Variants in ZHX3 observed in about 807,000 individuals in gnomAD.
The protein encoded by ZHX3 is zinc fingers and homeoboxes 3, also known as zinc fingers and homeoboxes protein 3.
In ZHX3, 20 loss-of-function variants were observed where a neutral mutation model predicts 64.5. That is an observed-to-expected ratio of 0.31 (90% CI 0.22 to 0.45). The LOEUF (loss-of-function observed/expected upper bound fraction) is 0.45, where lower values mean the gene tolerates loss of function less well. Ranked by LOEUF, ZHX3 falls within the 20% of genes least tolerant of loss-of-function variation. The probability of loss-of-function intolerance (pLI) is 1.00; values close to 1 mark genes in which losing one functional copy is unlikely to be tolerated. For missense variants in ZHX3, 1,041 were observed against 1,195.8 expected, an observed-to-expected ratio of 0.87 and a Z score of 1.91; for synonymous variants, 423 against 461.6, an observed-to-expected ratio of 0.92 and a Z score of 1.07.
chr20:41,247,995 G>A (rs1214463813), intron 2 of ZHX3, among the ~76,000 whole-genome samples: 2 of 152,136 alleles, frequency 1.3e-5, no homozygotes, highest in East Asian at 3.8e-4. Context: ...GTTTCAGGTG[G>A]CATTTGAGAC....
At chr20:41,198,921 AT>A (rs889451374) in intron 3 of ZHX3, among the ~76,000 whole-genome samples, 1 of 151,432 alleles carries the variant, frequency 6.6e-6, no homozygotes, top group African/African-American at 2.4e-5. Context: ...TTTCCTAAAT[AT>A]TTTTTTTCTT....
intron 3 of ZHX3, among the ~76,000 whole-genome samples, chr20:41,187,805 A>G (rs1439752098): frequency 1.3e-5 from 2 of 152,240 alleles, no homozygotes; most frequent in Non-Finnish European, 2.9e-5. Flanking sequence ...TTGATAGTTT[A>G]CATATTTATG....
chr20:41,248,883 A>C (rs1274170917), intron 2 of ZHX3, among the ~76,000 whole-genome samples: 1 of 152,328 alleles, frequency 6.6e-6, no homozygotes, highest in East Asian at 1.9e-4. Context: ...GTGTTTTTGC[A>C]AAAGACCCAA....
In ZHX3 at chr20:41,204,535, T is replaced by C. The variant is rs754613496; in HGVS notation, c.382A>G (p.Asn128Asp). 8.1e-6 allele frequency: 13 copies of C among 1,614,084 alleles called. No homozygotes were observed. The highest frequency in any genetic ancestry group is 1.1e-5 in the Non-Finnish European group (13 of 1,180,046). The stretch of plus-strand genomic sequence containing the variant: ...GCTTCCCCGGAGTGACATGTGGCAT[T>C]GTGCAAGGAAAGCCCCTCAGGGGTT... ...AKTPEGLSLH[N>D]ATCHSGEASF... The change falls in exon 3 of 4, where the codon AAT becomes GAT. Residue 128 changes from asparagine (N) to aspartate (D), a missense_variant. Asn to Asp is a conservative substitution (Grantham distance 23, BLOSUM62 1). Coordinates refer to ENST00000683867, the MANE Select transcript of ZHX3 (RefSeq NM_001384317.1). This position sits in a 1 kb window ranked among gnomAD's most constrained non-coding sequence, Gnocchi z 6.6.
chr20:41,255,503 A>G (rs533984678), intron 2 of ZHX3, among the ~76,000 whole-genome samples: 42 of 152,328 alleles, frequency 2.8e-4, no homozygotes, highest in Middle Eastern at 3.4e-3. Flanking sequence ...AGTCTTACAA[A>G]TTAATTATAT....
intron 1 of ZHX3, among the ~76,000 whole-genome samples, chr20:41,315,132 G>A (rs1199090763): frequency 1.3e-5 from 2 of 152,220 alleles, no homozygotes; most frequent in East Asian, 3.9e-4. Context: ...AATATCCAGG[G>A]ACCAGAGTTC....
chr20:41,291,221 A>G (rs2044221293), intron 1 of ZHX3, among the ~76,000 whole-genome samples: 4 of 152,220 alleles, frequency 2.6e-5, no homozygotes, highest in Admixed American at 1.3e-4. Flanking sequence ...CCGAAAGAGA[A>G]GCTGCATAAA....
intron 1 of ZHX3, among the ~76,000 whole-genome samples, chr20:41,314,978 CAAAT>C (rs1268315611): frequency 6.6e-6 from 1 of 152,124 alleles, no homozygotes; most frequent in Non-Finnish European, 1.5e-5. Flanking sequence ...AATACACCAA[CAAAT>C]AAATATGTAT....
At chr20:41,191,052 A>G (rs1352905453) in intron 3 of ZHX3, among the ~76,000 whole-genome samples, 1 of 152,190 alleles carries the variant, frequency 6.6e-6, no homozygotes, top group Non-Finnish European at 1.5e-5. Context: ...AGGGCCTCCT[A>G]TATCTAGATG....
rs1246290181 is a variant in ZHX3 at position 41,219,093 on chromosome 20, C to A, written c.-150-14027G>T. Among the ~76,000 whole-genome samples, 1 of 152,030 alleles carries A rather than the reference C, an allele frequency of 6.6e-6. No homozygotes were observed. On this transcript the variant is annotated intron_variant, in intron 2 of 3. Coordinates refer to ENST00000683867, the MANE Select transcript of ZHX3 (RefSeq NM_001384317.1). The surrounding 1 kb of genome is among the most constrained non-coding windows in gnomAD (Gnocchi z 5.0). ...TACATGTGTCTGCCACCACGCCCAGCTAATTTTTTGTATTTTTATTAGAGA... is the reference window on the plus strand; with the variant it reads ...TACATGTGTCTGCCACCACGCCCAGATAATTTTTTGTATTTTTATTAGAGA...
intron 2 of ZHX3, among the ~76,000 whole-genome samples, chr20:41,266,673 G>A (rs750445104): frequency 1.3e-5 from 2 of 151,514 alleles, no homozygotes; most frequent in Non-Finnish European, 2.9e-5. Flanking sequence ...AGCCTCCCGA[G>A]TAGTTGGGAC....
At chr20:41,286,211 C>T (rs1049963510) in intron 1 of ZHX3, among the ~76,000 whole-genome samples, 1 of 152,162 alleles carries the variant, frequency 6.6e-6, no homozygotes, top group Non-Finnish European at 1.5e-5. Flanking sequence ...TGTATCATTG[C>T]TGCCTGACTC....
chr20:41,203,013 G>C lies in ZHX3; in HGVS notation c.1904C>G (p.Pro635Arg). The change falls in exon 3 of 4, where the codon CCT becomes CGT. Residue 635 changes from proline (P) to arginine (R), a missense_variant. By Grantham distance (103) the Pro-to-Arg change is moderately radical. This residue lies in a region of ZHX3 where 649 missense variants were observed against 739.8 expected (regional missense o/e 0.88). Transcript: ENST00000683867. This position sits in a 1 kb window ranked among gnomAD's most constrained non-coding sequence, Gnocchi z 7.1. ...GTCCAGTTCCTCATCAAGAGGAAGAGGGTTTTGTGCAAAACTGCTCTCCAG... is the reference window on the plus strand; with the variant it reads ...GTCCAGTTCCTCATCAAGAGGAAGACGGTTTTGTGCAAAACTGCTCTCCAG... The part of the protein sequence containing the change: ...RALESSFAQN[P>R]LPLDEELDRL... The C allele has an allele frequency of 1.2e-6, 2 of 1,614,150 alleles. No homozygotes were observed. The highest frequency in any genetic ancestry group is 2.2e-5 in the East Asian group (1 of 44,884).
chr20:41,205,423 C>G (rs1486038692), intron 2 of ZHX3, among the ~76,000 whole-genome samples: 1 of 152,160 alleles, frequency 6.6e-6, no homozygotes, highest in East Asian at 1.9e-4. Context: ...AACAAAAGAT[C>G]CTAGTGTAAT....
At chr20:41,193,767 C>T (rs1306853674) in intron 3 of ZHX3, among the ~76,000 whole-genome samples, 1 of 150,542 alleles carries the variant, frequency 6.6e-6, no homozygotes, top group African/African-American at 2.4e-5. Flanking sequence ...AGTGCAGTGG[C>T]ATGATCTCGG....
At chr20:41,246,294 T>C (rs1219885035) in intron 2 of ZHX3, among the ~76,000 whole-genome samples, 2 of 152,234 alleles carry the variant, frequency 1.3e-5, no homozygotes, top group Non-Finnish European at 2.9e-5. Flanking sequence ...TAAGTTCATG[T>C]CAGTCCTAAA....
chr20:41,241,359 A>AT (rs1431224303), intron 2 of ZHX3, among the ~76,000 whole-genome samples: 1 of 151,940 alleles, frequency 6.6e-6, no homozygotes, highest in Non-Finnish European at 1.5e-5. Flanking sequence ...GGATTATTAG[A>AT]TTTTTTTCCT....
At chr20:41,238,966 T>C (rs1277504092) in intron 2 of ZHX3, among the ~76,000 whole-genome samples, 1 of 149,338 alleles carries the variant, frequency 6.7e-6, no homozygotes, top group Non-Finnish European at 1.5e-5. Flanking sequence ...TGCTCTATGA[T>C]GAAAACAAGG....
At chr20:41,252,522 G>A (rs2042041119) in intron 2 of ZHX3, among the ~76,000 whole-genome samples, 1 of 152,174 alleles carries the variant, frequency 6.6e-6, no homozygotes, top group Non-Finnish European at 1.5e-5. Flanking sequence ...GCCCAGAAGA[G>A]GAAAGTCTTC....
Sources: gnomAD v4.1 joint callset for allele counts (sites outside exome capture counted in the v4.1 genomes callset) on GRCh38, gnomAD v4.1.1 for gene constraint, gnomAD v4.1.1 regional missense constraint, Gnocchi (gnomAD v3.1) non-coding constraint, MANE v1.5 for transcripts, NCBI Gene and HGNC (gene_info 2026-07-23, HGNC 2026-07-21) for gene names.